Variants in AFG1L observed in about 807,000 individuals in gnomAD.
The protein encoded by AFG1L is AFG1 like ATPase, also known as AFG1-like ATPase.
A neutral mutation model predicts 62.2 loss-of-function variants in AFG1L; 53 were observed. The observed-to-expected ratio is 0.85, with a 90% CI of 0.68 to 1.07. The LOEUF is 1.07. Among genes scored for constraint, AFG1L ranks in the 50% least tolerant of loss-of-function variants. The probability of loss-of-function intolerance (pLI) is 0.00; values close to 1 mark genes in which losing one functional copy is unlikely to be tolerated. For synonymous variants in AFG1L, 228 were observed against 210.3 expected (o/e 1.08, Z -0.73); for missense variants, 555 against 590.5 (o/e 0.94, Z 0.62).
At chr6:108,436,520 C>T (rs1771319172) in intron 7 of AFG1L, among the ~76,000 whole-genome samples, 1 of 152,118 alleles carries the variant, frequency 6.6e-6, no homozygotes, top group Non-Finnish European at 1.5e-5. Context: ...CAAGTTTGGG[C>T]CTTACTCAGT....
chr6:108,482,505 T>C (rs1773364039), intron 10 of AFG1L, among the ~76,000 whole-genome samples: 1 of 152,178 alleles, frequency 6.6e-6, no homozygotes, highest in Non-Finnish European at 1.5e-5. Flanking sequence ...AATGAACCAA[T>C]ATTAATATAT....
intron 10 of AFG1L, among the ~76,000 whole-genome samples, chr6:108,481,013 C>T (rs1313342691): frequency 2.0e-5 from 3 of 152,192 alleles, no homozygotes; most frequent in East Asian, 1.9e-4. Flanking sequence ...AGTCCAGCTA[C>T]GAGCCCCTCT....
At chr6:108,470,771 ACT>A (rs1772853537) in intron 8 of AFG1L, among the ~76,000 whole-genome samples, 1 of 152,188 alleles carries the variant, frequency 6.6e-6, no homozygotes, top group South Asian at 2.1e-4. Flanking sequence ...CATTTTTAGT[ACT>A]TTCATTAAAT....
intron 11 of AFG1L, among the ~76,000 whole-genome samples, chr6:108,513,385 G>A (rs936817766): frequency 1.1e-4 from 16 of 152,340 alleles, no homozygotes; most frequent in African/African-American, 3.6e-4. Flanking sequence ...GGTGACAGAT[G>A]GCACCTGGAA....
At chr6:108,350,737 C>T (rs1779048009) in intron 3 of AFG1L, among the ~76,000 whole-genome samples, 1 of 152,182 alleles carries the variant, frequency 6.6e-6, no homozygotes, top group South Asian at 2.1e-4. Context: ...TTCTCTGGTA[C>T]ACTAGAAGAG....
chr6:108,380,265 C>T (rs190763670), intron 6 of AFG1L, among the ~76,000 whole-genome samples: 4 of 152,192 alleles, frequency 2.6e-5, no homozygotes, highest in Non-Finnish European at 5.9e-5. Context: ...CTCGCAGCAC[C>T]GCAATCTGTG....
chr6:108,402,648 A>G (rs1339205296), intron 7 of AFG1L, among the ~76,000 whole-genome samples: 3 of 152,080 alleles, frequency 2.0e-5, no homozygotes, highest in African/African-American at 7.2e-5. Context: ...GAAACATTGA[A>G]TAGTTTGCAT....
intron 6 of AFG1L, among the ~76,000 whole-genome samples, chr6:108,395,511 C>T (rs1159242974): frequency 6.7e-6 from 1 of 149,698 alleles, no homozygotes; most frequent in Admixed American, 6.7e-5. Flanking sequence ...AGGTGAGCCT[C>T]CCACCTCATC....
chr6:108,355,128 T>TG (rs1255219267), intron 3 of AFG1L, among the ~76,000 whole-genome samples: 3 of 150,834 alleles, frequency 2.0e-5, no homozygotes, highest in East Asian at 3.9e-4. Context: ...TGTTTTGAGA[T>TG]GGGGGTCTCG....
intron 8 of AFG1L, among the ~76,000 whole-genome samples, chr6:108,450,064 G>A (rs1273287151): frequency 6.6e-6 from 1 of 152,166 alleles, no homozygotes; most frequent in Non-Finnish European, 1.5e-5. Flanking sequence ...ATAAACATAC[G>A]TGTGCATGTG....
chr6:108,470,577 TG>T (rs34960250), intron 8 of AFG1L, among the ~76,000 whole-genome samples: 56,718 of 151,986 alleles, frequency 0.37, 11,078 homozygotes, highest in Non-Finnish European at 0.45. Flanking sequence ...CTTACAGAAC[TG>T]CTTACTCTTC....
intron 7 of AFG1L, among the ~76,000 whole-genome samples, chr6:108,438,288 TGGCAGGTTTGGTCTCTCCTGA>T (rs1219581666): frequency 6.6e-6 from 1 of 152,170 alleles, no homozygotes; most frequent in African/African-American, 2.4e-5. Context: ...ACAAAGACGT[TGGCAGGTTTGGTCTCTCCTGA>T]GGCCTCTCTC....
chr6:108,295,170 G>A lies in AFG1L; in HGVS notation c.91G>A (p.Ala31Thr). Residue 31 changes from alanine to threonine, a missense_variant, in exon 1 of 13, where the codon GCC (alanine) becomes ACC (threonine). Ala to Thr is a moderately conservative substitution (Grantham distance 58, BLOSUM62 0). Transcript: ENST00000368977. ...GRCVGCGAWA[A>T]ALAPLATAPG... ...ATGTGTTGGGTGCGGGGCCTGGGCCGCCGCTCTCGCTCCTCTGGCCACCGC... is the reference window on the plus strand; with the variant it reads ...ATGTGTTGGGTGCGGGGCCTGGGCCACCGCTCTCGCTCCTCTGGCCACCGC... 6.2e-7 allele frequency: 1 copy of A among 1,608,096 alleles called. No homozygotes were observed. The highest frequency in any genetic ancestry group is 8.5e-7 in the Non-Finnish European group (1 of 1,179,860).
At chr6:108,318,227 A>G in intron 1 of AFG1L, 1 of 298,958 alleles carries the variant, frequency 3.3e-6, no homozygotes, top group Non-Finnish European at 6.5e-6. Context: ...CAGAGTGGCT[A>G]TCATCATCAT....
intron 2 of AFG1L, among the ~76,000 whole-genome samples, chr6:108,328,094 A>G (rs1582381342): frequency 6.9e-6 from 1 of 144,330 alleles, no homozygotes; most frequent in South Asian, 2.1e-4. Context: ...ATAGTTGAGT[A>G]AAGAACCAAA....
intron 6 of AFG1L, among the ~76,000 whole-genome samples, chr6:108,381,620 A>G (rs1212760842): frequency 1.3e-5 from 2 of 152,230 alleles, no homozygotes; most frequent in Non-Finnish European, 2.9e-5. Flanking sequence ...GAATAGCTAG[A>G]AACAAAAATC....
intron 10 of AFG1L, among the ~76,000 whole-genome samples, chr6:108,478,097 A>G (rs1006131284): frequency 6.6e-6 from 1 of 152,214 alleles, no homozygotes; most frequent in Non-Finnish European, 1.5e-5. Flanking sequence ...AGTAAGGGAA[A>G]AGACAAAATA....
chr6:108,297,920 C>T (rs1776833138), intron 1 of AFG1L, among the ~76,000 whole-genome samples: 1 of 151,002 alleles, frequency 6.6e-6, no homozygotes, highest in Admixed American at 6.6e-5. Flanking sequence ...TTGAATAGCC[C>T]ATAGTCTTGA....
At chr6:108,302,233 G>A (rs1178802012) in intron 1 of AFG1L, among the ~76,000 whole-genome samples, 3 of 152,104 alleles carry the variant, frequency 2.0e-5, no homozygotes, top group African/African-American at 4.8e-5. Flanking sequence ...GTGAGCCATC[G>A]CTCCCAGCCC....
Sources: allele counts gnomAD v4.1 joint callset (sites outside exome capture counted in the v4.1 genomes callset), GRCh38; gene constraint gnomAD v4.1.1; transcripts MANE v1.5; gene names NCBI Gene and HGNC (gene_info 2026-07-23, HGNC 2026-07-21).